C19orf18: variants seen among roughly 807,000 people sequenced by gnomAD.
C19orf18 encodes uncharacterized protein C19orf18.
In C19orf18, 21 loss-of-function variants were observed where a neutral mutation model predicts 23.3. That is an observed-to-expected ratio of 0.90 (90% CI 0.64 to 1.30). The LOEUF (loss-of-function observed/expected upper bound fraction) is 1.30, where lower values mean the gene tolerates loss of function less well. Among genes scored for constraint, C19orf18 ranks in the 50% most tolerant of loss-of-function variants. The pLI is 0.00. For synonymous variants in C19orf18, 96 were observed against 95.2 expected, an observed-to-expected ratio of 1.01 and a Z score of -0.05; for missense variants, 249 against 259.6, an observed-to-expected ratio of 0.96 and a Z score of 0.28.
chr19:57,963,462 G>C (rs535379514), intron 4 of C19orf18, among the ~76,000 whole-genome samples: 3 of 152,278 alleles, frequency 2.0e-5, no homozygotes, highest in Admixed American at 6.5e-5. Context: ...TGAGTCAAAA[G>C]GAAAGGTGTG....
Position 57,961,565 on chromosome 19 carries a change from T to C in C19orf18, c.372-14A>G. 6.3e-7 allele frequency: 1 copy of C among 1,596,804 alleles called. No individual in the cohort carries two copies. Among genetic ancestry groups the C allele is most frequent in the Non-Finnish European group, 8.5e-7 (1 of 1,175,562 alleles). On this transcript the variant is annotated splice_polypyrimidine_tract_variant and intron_variant, in intron 4 of 5. Transcript: ENST00000314391. ...TGTGCCAGTCGACTGGAGAATGATA[T>C]AAATGAATTTAGAAGCACAGTTTTC...
intron 3 of C19orf18, among the ~76,000 whole-genome samples, chr19:57,970,874 T>C (rs1435557269): frequency 6.6e-6 from 1 of 152,142 alleles, no homozygotes; most frequent in Non-Finnish European, 1.5e-5. Flanking sequence ...ATCAACTTTA[T>C]TAGATAAACA....
rs1167766428 is a variant in C19orf18, at chr19:57,966,574, G to A, written c.327C>T (p.Phe109=). Residue 109 remains phenylalanine (F), a synonymous_variant, in exon 4 of 6, where the codon TTC becomes TTT. Transcript: ENST00000314391. ...CCATCCCACATATCAGGGCAATGCT[G>A]AAGGCTACGCTCGAAATTAAAATTA... The part of the protein sequence containing the change: ...VKVILISSVA[F]SIALICGMAI... The A allele has an allele frequency of 2.5e-6, 4 of 1,613,278 alleles. No homozygotes were observed. The highest frequency in any genetic ancestry group is 2.2e-5 in the South Asian group (2 of 91,060).
At chr19:57,973,202 CAG>C (rs2072958878) in intron 2 of C19orf18, among the ~76,000 whole-genome samples, 2 of 130,720 alleles carry the variant, frequency 1.5e-5, no homozygotes, top group South Asian at 2.5e-4. Context: ...GAGAGCCAGG[CAG>C]AGAGGCCAGG....
At chr19:57,966,382 G>A (rs2072908245) in intron 4 of C19orf18, 148 bp downstream of exon 4, 2 of 562,410 alleles carry the variant, frequency 3.6e-6, no homozygotes, top group Admixed American at 3.0e-5. Flanking sequence ...CAATCCACAT[G>A]TTGAAAAACA....
intron 3 of C19orf18, 109 bp downstream of exon 3, chr19:57,972,354 C>T (rs2072950754): frequency 4.6e-6 from 6 of 1,309,000 alleles, no homozygotes; most frequent in Admixed American, 2.2e-5. Context: ...CATGAAGGCA[C>T]CACGTGTGCA....
At chr19:57,974,035 T>A (rs935061020) in intron 2 of C19orf18, 64 bp downstream of exon 2, 16 of 1,481,088 alleles carry the variant, frequency 1.1e-5, no homozygotes, top group Middle Eastern at 3.4e-4. Flanking sequence ...CACATTCACA[T>A]GGCAGATAAG....
intron 5 of C19orf18, among the ~76,000 whole-genome samples, chr19:57,959,518 G>A (rs1230218550): frequency 6.6e-6 from 1 of 151,928 alleles, no homozygotes; most frequent in African/African-American, 2.4e-5. Flanking sequence ...CCAGCTACTC[G>A]GGAGGCTGAA....
chr19:57,958,437 T>G lies in C19orf18; in HGVS notation c.*165A>C, dbSNP rs765292942. ...AACTATGAGAGCCAATAAGCAAGAG[T>G]TGCTATATCATGTGGCTTTATTTTC... On this transcript the variant is annotated 3_prime_UTR_variant, in exon 6 of 6. Transcript: ENST00000314391. 1.9e-6 allele frequency: 1 copy of G among 533,418 alleles called. No individual in the cohort carries two copies. The highest frequency in any genetic ancestry group is 3.3e-6 in the Non-Finnish European group (1 of 304,388). 33.0% of individuals were successfully genotyped at this position (533,418 alleles called of 1,614,324 possible).
rs139513060 is a variant in C19orf18 at position 57,971,103 on chromosome 19, T to C, written c.268+1360A>G. Among the ~76,000 whole-genome samples the C allele has an allele frequency of 2.9e-3, 440 of 152,250 alleles. 1 individual carries two copies. The highest frequency in any genetic ancestry group is 1.0e-2 in the African/African-American group (414 of 41,560). ...CAGTCATAGCTGAGCTTTAGGAAGA[T>C]TGATAATGTGTTTGGCGTGGATGGA... is the stretch of plus-strand genomic sequence containing the variant. On this transcript the variant is annotated intron_variant, in intron 3 of 5. Coordinates refer to ENST00000314391, the MANE Select transcript of C19orf18 (RefSeq NM_152474.5).
intron 5 of C19orf18, among the ~76,000 whole-genome samples, chr19:57,960,214 C>T (rs2072857376): frequency 6.6e-6 from 1 of 151,948 alleles, no homozygotes; most frequent in Admixed American, 6.6e-5. Flanking sequence ...ATTACAAGGT[C>T]AGGAGATCGA....
intron 4 of C19orf18, among the ~76,000 whole-genome samples, chr19:57,965,563 T>C (rs2123224295): frequency 1.3e-5 from 2 of 152,254 alleles, no homozygotes; most frequent in South Asian, 4.1e-4. Flanking sequence ...CTGACCAACA[T>C]GGAGAAACCC....
At chr19:57,967,536 T>C (rs2072917043) in intron 3 of C19orf18, among the ~76,000 whole-genome samples, 1 of 151,816 alleles carries the variant, frequency 6.6e-6, no homozygotes, top group African/African-American at 2.4e-5. Context: ...GCAGATCACG[T>C]GAGCTCAGGA....
chr19:57,961,639 A>G, intron 4 of C19orf18, 88 bp from the exon 5 acceptor site: 4 of 1,475,902 alleles, frequency 2.7e-6, no homozygotes, highest in Non-Finnish European at 3.7e-6. Context: ...ACAGGAAAGG[A>G]GTCGCTTGTG....
At position 57,960,961 on chromosome 19, in the gene C19orf18, C is replaced by T. The variant is rs1165928144; in HGVS notation, c.532+430G>A. On this transcript the variant is annotated intron_variant, in intron 5 of 5. Coordinates refer to ENST00000314391, the MANE Select transcript of C19orf18 (RefSeq NM_152474.5). ...TTGGGAGGCCGAGGCGGGCGGATCA[C>T]GAGGTCAGGAGATCGAGACCATCCT... 3.3e-5 allele frequency among the ~76,000 whole-genome samples: 5 copies of T among 152,132 alleles called. No homozygotes were observed. The East Asian group carries it at 5.8e-4, about 18-fold the overall frequency.
At chr19:57,967,676 A>G (rs1342109006) in intron 3 of C19orf18, among the ~76,000 whole-genome samples, 1 of 147,344 alleles carries the variant, frequency 6.8e-6, no homozygotes, top group South Asian at 2.2e-4. Flanking sequence ...TGCTTGAGCC[A>G]GGGAGTGGGA....
Position 57,968,620 on chromosome 19 carries a change from T to C in C19orf18, c.269-1988A>G, listed in dbSNP as rs151154970. On this transcript the variant is annotated intron_variant, in intron 3 of 5. Transcript: ENST00000314391. ...TGAGATATTTACAGAGCTAGAGAAA[T>C]ATATGAGAAAGTCACCAAGCAGGAT... Among the ~76,000 whole-genome samples the C allele has an allele frequency of 3.9e-3, 590 of 152,046 alleles. 3 individuals are homozygous for C. Among genetic ancestry groups the C allele is most frequent in the Middle Eastern group, 0.01 (3 of 294 alleles).
rs774863435 is a variant in C19orf18, at chr19:57,966,586, C to A, written c.315G>T (p.Ser105=). Residue 105 remains serine (S), a synonymous_variant, in exon 4 of 6, where the codon TCG becomes TCT. Transcript: ENST00000314391. ...TCAGGGCAATGCTGAAGGCTACGCT[C>A]GAAATTAAAATTACTTTAACAAGAG... ...RPALVKVILI[S]SVAFSIALIC... The A allele has an allele frequency of 6.2e-7, 1 of 1,613,042 alleles. No homozygotes were observed. Among genetic ancestry groups the A allele is most frequent in the South Asian group, 1.1e-5 (1 of 91,038 alleles).
intron 4 of C19orf18, among the ~76,000 whole-genome samples, chr19:57,963,039 T>C (rs1240531925): frequency 6.6e-6 from 1 of 151,402 alleles, no homozygotes; most frequent in Non-Finnish European, 1.5e-5. Context: ...TTTTTTTTTT[T>C]TTTGCAGATG....
Sources: gnomAD v4.1 joint callset for allele counts (sites outside exome capture counted in the v4.1 genomes callset) on GRCh38, gnomAD v4.1.1 for gene constraint, MANE v1.5 for transcripts, NCBI Gene and HGNC (gene_info 2026-07-23, HGNC 2026-07-21) for gene names.